Variants in C1orf141 observed in about 807,000 individuals in gnomAD.
C1orf141 encodes chromosome 1 open reading frame 141, also known as uncharacterized protein C1orf141.
A neutral mutation model predicts 23.2 loss-of-function variants in C1orf141; 19 were observed. That is an observed-to-expected ratio of 0.82 (90% confidence interval 0.57 to 1.20). The LOEUF (loss-of-function observed/expected upper bound fraction) is 1.20. C1orf141 is among the 50% of genes most tolerant of loss of function. The pLI is 0.00. For missense variants in C1orf141, 469 were observed against 455.1 expected (o/e 1.03, Z -0.28); for synonymous variants, 153 against 154.6 (o/e 0.99, Z 0.08).
chr1:67,096,473 G>A (rs1314936435), intron 5 of C1orf141, 152 bp from the exon 6 acceptor site: 1 of 531,730 alleles, frequency 1.9e-6, no homozygotes, highest in Non-Finnish European at 3.4e-6. Flanking sequence ...AATATTTCTT[G>A]AATGAACTAG....
chr1:67,099,456 T>C (rs1182511033), intron 5 of C1orf141, among the ~76,000 whole-genome samples: 3 of 151,888 alleles, frequency 2.0e-5, no homozygotes, highest in Admixed American at 2.0e-4. Flanking sequence ...AAAGAATGAC[T>C]AACACATGCT....
rs377359635 is a variant in C1orf141, at chr1:67,124,804, C to A, written c.233+948G>T. Reference sequence around the variant, plus strand: ...TACTATACCCTATTCAATAGGATGACTGTGAGCTTTTGGGCTTGGCAACTG... The same window carrying A: ...TACTATACCCTATTCAATAGGATGAATGTGAGCTTTTGGGCTTGGCAACTG... On this transcript the variant is annotated intron_variant, in intron 4 of 7. Coordinates refer to ENST00000684719, the MANE Select transcript of C1orf141 (RefSeq NM_001276351.2). 7.2e-5 allele frequency among the ~76,000 whole-genome samples: 11 copies of A among 152,188 alleles called. 1 individual carries two copies. In the South Asian group the frequency reaches 2.3e-3, roughly 32 times the overall value.
In C1orf141 at chr1:67,093,312, T is replaced by G; in HGVS notation, c.896A>C (p.Lys299Thr). 1.2e-6 allele frequency: 2 copies of G among 1,613,800 alleles called. No homozygotes were observed. The highest frequency in any genetic ancestry group is 1.7e-6 in the Non-Finnish European group (2 of 1,179,712). ...TTCTAGTGTCTGCTTATTAGTTTTC[T>G]TCTTTAGTTTATCATCTACAGTTGT... ...GHTTVDDKLK[K>T]KTNKQTLENR... is the part of the protein sequence containing the mutation. Residue 299 changes from lysine to threonine, a missense_variant, in exon 8 of 8, where the codon AAG becomes ACG. Transcript: ENST00000684719.
intron 4 of C1orf141, among the ~76,000 whole-genome samples, chr1:67,124,324 G>GT (rs1232761440): frequency 6.6e-6 from 1 of 151,946 alleles, no homozygotes; most frequent in Non-Finnish European, 1.5e-5. Context: ...TTGTTTGTTT[G>GT]TTTTTTGAGA....
rs375736481 is a variant in C1orf141, at chr1:67,098,527, AT to A, written c.347-2207del. Among the ~76,000 whole-genome samples, 90 of 152,312 alleles carry A rather than the reference AT, an allele frequency of 5.9e-4. 1 individual carries two copies. The Middle Eastern group carries it at 0.01, about 17-fold the overall frequency. ...AGGGTGAGACTCAGTTTCAAAAAAAATATTATAATAAAAAAATGAAAAATAT... is the reference window on the plus strand; with the variant it reads ...AGGGTGAGACTCAGTTTCAAAAAAAAATTATAATAAAAAAATGAAAAATAT... On this transcript the variant is annotated intron_variant, in intron 5 of 7. Transcript: ENST00000684719.
intron 5 of C1orf141, among the ~76,000 whole-genome samples, chr1:67,106,962 A>T (rs940759780): frequency 6.6e-6 from 1 of 152,226 alleles, no homozygotes; most frequent in African/African-American, 2.4e-5. Flanking sequence ...GACATGTTTA[A>T]TAAGAGCCTC....
intron 5 of C1orf141, among the ~76,000 whole-genome samples, chr1:67,112,856 C>A (rs1029420739): frequency 2.6e-5 from 4 of 152,120 alleles, no homozygotes; most frequent in African/African-American, 9.7e-5. Context: ...ATGACATTAA[C>A]CAAAATATGC....
At chr1:67,132,418 G>A (rs1646531378) in intron 1 of C1orf141, among the ~76,000 whole-genome samples, 1 of 152,152 alleles carries the variant, frequency 6.6e-6, no homozygotes, top group Admixed American at 6.5e-5. Context: ...AGCTACTTTG[G>A]AGGTTGAGGC....
chr1:67,136,377 A>G (rs144585987), upstream of C1orf141, among the ~76,000 whole-genome samples: 1,163 of 152,202 alleles, frequency 7.6e-3, 15 homozygotes, highest in African/African-American at 0.027. Flanking sequence ...TTTTTAAGCC[A>G]TATACATTCA....
intron 1 of C1orf141, among the ~76,000 whole-genome samples, chr1:67,134,723 G>GC (rs966924831): frequency 2.4e-4 from 36 of 152,120 alleles, no homozygotes; most frequent in Admixed American, 1.6e-3. Context: ...ACCTGGAAGA[G>GC]CCCCCCGGGC....
At chr1:67,109,616 A>G (rs1395405210) in intron 5 of C1orf141, among the ~76,000 whole-genome samples, 2 of 152,234 alleles carry the variant, frequency 1.3e-5, no homozygotes, top group East Asian at 3.8e-4. Flanking sequence ...ATGAGCATGA[A>G]TCAAACTGCT....
chr1:67,103,351 T>C, intron 5 of C1orf141: 1 of 1,442,980 alleles, frequency 6.9e-7, no homozygotes. Flanking sequence ...ATGCTGTGAA[T>C]ATAGAACATT....
chr1:67,106,128 A>G (rs183086202), intron 5 of C1orf141, among the ~76,000 whole-genome samples: 1 of 152,318 alleles, frequency 6.6e-6, no homozygotes, highest in African/African-American at 2.4e-5. Context: ...TTCTGAGTAC[A>G]ATCAAGATAA....
rs1002438795 is a variant in C1orf141 at position 67,106,683 on chromosome 1, A to C, written c.346+8669T>G. Among the ~76,000 whole-genome samples the C allele has an allele frequency of 8.5e-5, 13 of 152,220 alleles. 1 individual carries two copies. The highest frequency in any genetic ancestry group is 7.7e-4 in the East Asian group (4 of 5,186). ...ACAAACAAAAACAGAAACCAGCCAA[A>C]CAAACAAACAAAAACTATGCTTCAT... On this transcript the variant is annotated intron_variant, in intron 5 of 7. Transcript: ENST00000684719.
intron 5 of C1orf141, among the ~76,000 whole-genome samples, chr1:67,098,978 C>T (rs1645744404): frequency 6.6e-6 from 1 of 152,054 alleles, no homozygotes; most frequent in South Asian, 2.1e-4. Flanking sequence ...CCTGAAAGAA[C>T]AGTTCAAAAT....
intron 5 of C1orf141, among the ~76,000 whole-genome samples, chr1:67,108,154 T>A (rs184740243): frequency 6.6e-6 from 1 of 152,186 alleles, no homozygotes; most frequent in African/African-American, 2.4e-5. Context: ...CAAGCTGCTA[T>A]AATAAAATCC....
intron 5 of C1orf141, among the ~76,000 whole-genome samples, chr1:67,112,814 A>G (rs17129657): frequency 0.098 from 14,943 of 152,248 alleles, 1,157 homozygotes; most frequent in African/African-American, 0.21. Context: ...TATATTGTTG[A>G]TAGCGTAGTC....
rs1169520064 is a variant in C1orf141 at position 67,092,623 on chromosome 1, T to G, written c.*382A>C. ...TCATTAAATTAATGGTAATTTGTCT[T>G]ATTTGATATTCAATTATAGAACAAG... is the stretch of plus-strand genomic sequence containing the variant. On this transcript the variant is annotated 3_prime_UTR_variant, in exon 8 of 8. Transcript: ENST00000684719. 1 of 157,134 alleles carries G rather than the reference T, an allele frequency of 6.4e-6. No individual in the cohort carries two copies. The highest frequency in any genetic ancestry group is 1.4e-5 in the Non-Finnish European group (1 of 70,902). 9.7% of individuals were successfully genotyped at this position (157,134 alleles called of 1,614,324 possible). A position where few individuals can be genotyped will look rare whatever the true frequency, so the allele number is the denominator to read the frequency against.
intron 4 of C1orf141, among the ~76,000 whole-genome samples, chr1:67,118,652 T>C (rs2863202): frequency 0.78 from 118,951 of 152,116 alleles, 46,907 homozygotes; most frequent in East Asian, 0.91. Flanking sequence ...ATCTCTAACG[T>C]TATGGTATTT....
Sources: gnomAD v4.1 joint callset for allele counts (sites outside exome capture counted in the v4.1 genomes callset) on GRCh38, gnomAD v4.1.1 for gene constraint, MANE v1.5 for transcripts, NCBI Gene and HGNC (gene_info 2026-07-23, HGNC 2026-07-21) for gene names.